The following TMEM232 variants were observed in gnomAD, a reference collection of about 807,000 sequenced individuals.
TMEM232 encodes transmembrane protein 232.
In TMEM232, 80 loss-of-function variants were observed where a neutral mutation model predicts 78.8. That is an observed-to-expected ratio of 1.01 (90% CI 0.85 to 1.22). The LOEUF is 1.22. Ranked by LOEUF, TMEM232 falls within the 50% of genes most tolerant of loss-of-function variation. TMEM232 has a pLI of 0.00. For missense variants in TMEM232, 881 were observed against 742.2 expected (o/e 1.19, Z -2.17); for synonymous variants, 297 against 254.3 (o/e 1.17, Z -1.60).
intron 10 of TMEM232, among the ~76,000 whole-genome samples, chr5:110,593,975 T>A (rs892633447): frequency 2.1e-5 from 3 of 141,996 alleles, no homozygotes; most frequent in Non-Finnish European, 4.6e-5. Flanking sequence ...GTTGACATTT[T>A]AAAATTTTTT....
chr5:110,407,628 A>C (rs1316750600), intron 2 of TMEM232, among the ~76,000 whole-genome samples: 3 of 152,206 alleles, frequency 2.0e-5, no homozygotes, highest in Non-Finnish European at 4.4e-5. Flanking sequence ...TCATCCAGAC[A>C]GATAACAAAG....
At chr5:110,468,283 TAA>T (rs1762303699) in intron 12 of TMEM232, among the ~76,000 whole-genome samples, 1 of 151,294 alleles carries the variant, frequency 6.6e-6, no homozygotes, top group Non-Finnish European at 1.5e-5. Context: ...ATATTTCATA[TAA>T]GAGCATAAAA....
intron 12 of TMEM232, among the ~76,000 whole-genome samples, chr5:110,443,182 C>T (rs1174258726): frequency 1.3e-5 from 2 of 152,100 alleles, no homozygotes; most frequent in Admixed American, 6.6e-5. Flanking sequence ...TTGTGCTCCC[C>T]CCGCTCCTGG....
intron 12 of TMEM232, 87 bp from the exon 13 acceptor site, chr5:110,425,003 T>C (rs1757085040): frequency 1.1e-6 from 1 of 919,878 alleles, no homozygotes; most frequent in African/African-American, 1.7e-5. Context: ...CCATAATTTA[T>C]TATTAAGCAT....
chr5:110,680,503 G>A (rs1194143729), intron 1 of TMEM232, among the ~76,000 whole-genome samples: 1 of 151,330 alleles, frequency 6.6e-6, no homozygotes, highest in East Asian at 1.9e-4. Context: ...TTGCAGAGAT[G>A]TAGGAAGTAG....
At chr5:110,448,302 GAAT>G (rs1437122497) in intron 12 of TMEM232, among the ~76,000 whole-genome samples, 1 of 151,952 alleles carries the variant, frequency 6.6e-6, no homozygotes, top group Non-Finnish European at 1.5e-5. Flanking sequence ...AAGAGATTAA[GAAT>G]GGAGGTAACT....
At chr5:110,564,033 A>T (rs1054805794) in intron 11 of TMEM232, among the ~76,000 whole-genome samples, 6 of 152,066 alleles carry the variant, frequency 3.9e-5, no homozygotes, top group Non-Finnish European at 5.9e-5. Flanking sequence ...TAGAGTATAG[A>T]TACTTGGGGT....
chr5:110,652,566 A>G (rs910180058), intron 2 of TMEM232, among the ~76,000 whole-genome samples: 1 of 152,232 alleles, frequency 6.6e-6, no homozygotes, highest in African/African-American at 2.4e-5. Flanking sequence ...AAACATGGAA[A>G]GCTAATTATT....
intron 12 of TMEM232, among the ~76,000 whole-genome samples, chr5:110,473,742 C>T (rs770593374): frequency 2.7e-5 from 4 of 148,960 alleles, no homozygotes; most frequent in Non-Finnish European, 6.0e-5. Context: ...ATGTAAGTGT[C>T]GATCAATGGA....
At chr5:110,485,014 A>C (rs1055019661) in intron 12 of TMEM232, among the ~76,000 whole-genome samples, 3 of 152,184 alleles carry the variant, frequency 2.0e-5, no homozygotes. Flanking sequence ...AGTGATCAGG[A>C]AACACTTCTA....
chr5:110,480,691 A>C (rs1309511014), intron 12 of TMEM232, among the ~76,000 whole-genome samples: 4 of 152,100 alleles, frequency 2.6e-5, no homozygotes, highest in African/African-American at 9.7e-5. Flanking sequence ...GGCAGATTTC[A>C]AAGATGATTC....
At chr5:110,702,612 C>T (rs1344107392) in intron 1 of TMEM232, among the ~76,000 whole-genome samples, 1 of 152,012 alleles carries the variant, frequency 6.6e-6, no homozygotes, top group Non-Finnish European at 1.5e-5. Flanking sequence ...GATGAGATAA[C>T]TCATTACTGT....
At chr5:110,438,848 T>C (rs531973013) in intron 12 of TMEM232, among the ~76,000 whole-genome samples, 1 of 152,166 alleles carries the variant, frequency 6.6e-6, no homozygotes, top group Non-Finnish European at 1.5e-5. Flanking sequence ...TTAGAAACCA[T>C]GGATCATCCT....
intron 10 of TMEM232, among the ~76,000 whole-genome samples, chr5:110,572,886 T>C (rs1384729138): frequency 6.6e-6 from 1 of 152,086 alleles, no homozygotes; most frequent in African/African-American, 2.4e-5. Context: ...AATTTGCACA[T>C]CTAGACATTT....
At chr5:110,630,089 G>A (rs1784928811) in intron 5 of TMEM232, among the ~76,000 whole-genome samples, 1 of 152,126 alleles carries the variant, frequency 6.6e-6, no homozygotes, top group South Asian at 2.1e-4. Flanking sequence ...TTTCAGATAT[G>A]TAATGAAAAC....
At chr5:110,712,772 A>C (rs145191762) in intron 1 of TMEM232, among the ~76,000 whole-genome samples, 4 of 152,238 alleles carry the variant, frequency 2.6e-5, no homozygotes, top group African/African-American at 9.6e-5. Context: ...TGCTGGAGAG[A>C]ATGTGGAGAA....
chr5:110,687,830 T>A (rs1793617276), intron 1 of TMEM232, among the ~76,000 whole-genome samples: 1 of 152,236 alleles, frequency 6.6e-6, no homozygotes, highest in South Asian at 2.1e-4. Flanking sequence ...AAATGGATTA[T>A]CTTATTCATT....
intron 1 of TMEM232, among the ~76,000 whole-genome samples, chr5:110,684,078 G>A (rs1013453148): frequency 6.6e-6 from 1 of 151,834 alleles, no homozygotes; most frequent in Admixed American, 6.6e-5. Context: ...TTAATTAAAT[G>A]TATCTAGGAA....
At chr5:110,661,534 A>C (rs1297560643) in intron 2 of TMEM232, among the ~76,000 whole-genome samples, 1 of 151,836 alleles carries the variant, frequency 6.6e-6, no homozygotes, top group African/African-American at 2.4e-5. Flanking sequence ...CTGGTCTCAA[A>C]CTCCTGGGCT....
Sources: allele counts gnomAD v4.1 joint callset (sites outside exome capture counted in the v4.1 genomes callset), GRCh38; gene constraint gnomAD v4.1.1; transcripts MANE v1.5; gene names NCBI Gene and HGNC (gene_info 2026-07-23, HGNC 2026-07-21).